The following RIC8B variants were observed in gnomAD, a reference collection of about 807,000 sequenced individuals.
The protein encoded by RIC8B is chaperone Ric-8B.
RIC8B carries 16 observed loss-of-function variants against 57.5 expected under a neutral mutation model. That is an observed-to-expected ratio of 0.28 (90% CI 0.19 to 0.42). The LOEUF is 0.42. Among genes scored for constraint, RIC8B ranks in the 10% least tolerant of loss-of-function variants. The pLI is 1.00. For missense variants in RIC8B, 481 were observed against 677.0 expected (o/e 0.71, Z 3.21); for synonymous variants, 216 against 250.8 (o/e 0.86, Z 1.31).
intron 1 of RIC8B, among the ~76,000 whole-genome samples, chr12:106,781,703 G>C (rs1164113380): frequency 6.6e-6 from 1 of 152,102 alleles, no homozygotes; most frequent in African/African-American, 2.4e-5. Flanking sequence ...CTTTCCAAAA[G>C]ACAATTTATT....
chr12:106,819,380 A>G (rs2045734646), intron 3 of RIC8B, among the ~76,000 whole-genome samples: 1 of 152,190 alleles, frequency 6.6e-6, no homozygotes, highest in African/African-American at 2.4e-5. Flanking sequence ...CTTCAACCCA[A>G]AAGAAATTTT....
At chr12:106,855,142 T>TG (rs1292165657) in intron 7 of RIC8B, among the ~76,000 whole-genome samples, 1 of 152,248 alleles carries the variant, frequency 6.6e-6, no homozygotes, top group Non-Finnish European at 1.5e-5. Context: ...GGCATTATGA[T>TG]GTAGGGGCTG....
Position 106,879,896 on chromosome 12 carries a change from T to C in RIC8B, c.1572-6008T>C. 2 of 985,336 alleles carry C rather than the reference T, an allele frequency of 2.0e-6. No homozygotes were observed. The highest frequency in any genetic ancestry group is 1.1e-4 in the East Asian group (1 of 8,830). 61.0% of individuals were successfully genotyped at this position (985,336 alleles called of 1,614,324 possible). On this transcript the variant is annotated intron_variant, in intron 9 of 9. Transcript: ENST00000392837. This position sits in a 1 kb window ranked among gnomAD's most constrained non-coding sequence, Gnocchi z 4.9. The stretch of plus-strand genomic sequence containing the variant: ...TATCCAGTAGACACCACTGTACTTT[T>C]TGATACGAGGGCAGTCTTAACTTGT...
intron 3 of RIC8B, 79 bp downstream of exon 3, chr12:106,815,383 A>T (rs1252062103): frequency 1.4e-6 from 2 of 1,454,824 alleles, no homozygotes; most frequent in African/African-American, 2.8e-5. Flanking sequence ...GCAAGAGAAG[A>T]ATACAAGTTG....
chr12:106,832,021 A>G (rs1417933402), intron 4 of RIC8B, among the ~76,000 whole-genome samples: 1 of 152,058 alleles, frequency 6.6e-6, no homozygotes, highest in Non-Finnish European at 1.5e-5. Flanking sequence ...TAGGGCCTTT[A>G]CACTTGCTCT....
In RIC8B at chr12:106,815,217, T is replaced by G. The variant is rs1192384039; in HGVS notation, c.654T>G (p.Pro218=). 6.2e-7 allele frequency: 1 copy of G among 1,614,046 alleles called. No individual in the cohort carries two copies. Among genetic ancestry groups the G allele is most frequent in the Non-Finnish European group, 8.5e-7 (1 of 1,180,024 alleles). The change falls in exon 3 of 10, where the codon CCT becomes CCG. Residue 218 remains proline (P), a synonymous_variant. Transcript: ENST00000392837. ...YESAIDHNGP[P]LSPQETDCAI... ...CGGCCATAGACCATAATGGACCTCC[T>G]CTCTCACCTCAGGAGACAGACTGTG...
chr12:106,861,591 C>T (rs1295580600), intron 8 of RIC8B, among the ~76,000 whole-genome samples: 1 of 151,958 alleles, frequency 6.6e-6, no homozygotes, highest in Admixed American at 6.6e-5. Flanking sequence ...AAGACTGCCA[C>T]CATTTAGATA....
chr12:106,804,261 C>G (rs1314418927), intron 2 of RIC8B, among the ~76,000 whole-genome samples: 1 of 150,004 alleles, frequency 6.7e-6, no homozygotes, highest in East Asian at 2.0e-4. Context: ...GTCGCCCAGG[C>G]TGGAGTGCAA....
intron 4 of RIC8B, among the ~76,000 whole-genome samples, chr12:106,837,361 C>CAA (rs921368550): frequency 7.0e-6 from 1 of 142,764 alleles, no homozygotes. Context: ...GACTGTTTCT[C>CAA]AAAAAAAAAA....
In RIC8B at chr12:106,813,517, G is replaced by C. The variant is rs912181655; in HGVS notation, c.133-1179G>C. ...CTATACCATTTTATATAAGAGACTT[G>C]AGTATCTGTGGATTTTATTATCTGC... On this transcript the variant is annotated intron_variant, in intron 2 of 9. Coordinates refer to ENST00000392837, the MANE Select transcript of RIC8B (RefSeq NM_001330145.2). 2.0e-5 allele frequency among the ~76,000 whole-genome samples: 3 copies of C among 152,068 alleles called. No individual in the cohort carries two copies. The East Asian group carries it at 5.8e-4, about 29-fold the overall frequency.
chr12:106,827,015 C>G (rs984533096), intron 4 of RIC8B, among the ~76,000 whole-genome samples: 10 of 152,206 alleles, frequency 6.6e-5, no homozygotes, highest in African/African-American at 2.4e-4. Flanking sequence ...GTGAAGGTTG[C>G]CATGAGCCGA....
chr12:106,811,675 G>A (rs969563648), intron 2 of RIC8B, among the ~76,000 whole-genome samples: 18 of 152,260 alleles, frequency 1.2e-4, no homozygotes, highest in Admixed American at 4.6e-4. Context: ...TGGAACACCT[G>A]AAGAAGAAAC....
At chr12:106,872,935 T>C in intron 9 of RIC8B, 2 of 685,924 alleles carry the variant, frequency 2.9e-6, no homozygotes, top group South Asian at 6.5e-5. Context: ...ATAATCCAGA[T>C]ACTTGGCTTA....
At chr12:106,788,384 G>A (rs750526154) in intron 2 of RIC8B, among the ~76,000 whole-genome samples, 1 of 152,138 alleles carries the variant, frequency 6.6e-6, no homozygotes, top group South Asian at 2.1e-4. Flanking sequence ...TTGGAGGATG[G>A]TGGCCCTCTT....
chr12:106,872,897 G>C (rs980745026), intron 9 of RIC8B: 1 of 396,448 alleles, frequency 2.5e-6, no homozygotes, highest in Non-Finnish European at 3.4e-6. Flanking sequence ...TGGAAGACAG[G>C]GGAAATAACT....
At chr12:106,868,293 A>C (rs928431688) in intron 8 of RIC8B, 1 of 456,786 alleles carries the variant, frequency 2.2e-6, no homozygotes, top group African/African-American at 2.0e-5. Context: ...TGATTTTTCA[A>C]ATTACAGCTC....
At chr12:106,798,085 A>C in intron 2 of RIC8B, 1 of 716,344 alleles carries the variant, frequency 1.4e-6, no homozygotes, top group Non-Finnish European at 2.6e-6. Context: ...TGACTGAATA[A>C]AATAACTAGT....
intron 1 of RIC8B, among the ~76,000 whole-genome samples, chr12:106,783,090 C>G (rs1398775848): frequency 1.3e-5 from 2 of 152,196 alleles, no homozygotes; most frequent in African/African-American, 4.8e-5. Flanking sequence ...TCTACTTCAG[C>G]TACAGAGTAG....
At chr12:106,860,229 C>T in intron 7 of RIC8B, 39 bp from the exon 8 acceptor site, 1 of 1,489,634 alleles carries the variant, frequency 6.7e-7, no homozygotes, top group East Asian at 2.5e-5. Flanking sequence ...TGGTGAAGAC[C>T]CAAGGATTCC....
Sources: gnomAD v4.1 joint callset for allele counts (sites outside exome capture counted in the v4.1 genomes callset) on GRCh38, gnomAD v4.1.1 for gene constraint, Gnocchi (gnomAD v3.1) non-coding constraint, MANE v1.5 for transcripts, NCBI Gene and HGNC (gene_info 2026-07-23, HGNC 2026-07-21) for gene names.